HNF4G: variants seen among roughly 807,000 people sequenced by gnomAD.
HNF4G encodes hepatocyte nuclear factor 4 gamma.
A neutral mutation model predicts 50.9 loss-of-function variants in HNF4G; 21 were observed. The ratio of observed to expected loss-of-function variants is 0.41; its 90% CI spans 0.29 to 0.59. The LOEUF is 0.59. HNF4G is among the 20% of genes least tolerant of loss of function. HNF4G has a pLI of 0.26. For missense variants in HNF4G, 527 were observed against 559.4 expected (o/e 0.94, Z 0.58); for synonymous variants, 198 against 185.6 (o/e 1.07, Z -0.54).
intron 1 of HNF4G, among the ~76,000 whole-genome samples, chr8:75,414,270 T>A (rs1336244399): frequency 3.3e-5 from 5 of 152,166 alleles, no homozygotes; most frequent in Non-Finnish European, 5.9e-5. Context: ...CTATGTACCC[T>A]TTTATGTCTT....
intron 1 of HNF4G, among the ~76,000 whole-genome samples, chr8:75,456,917 A>T (rs1811737409): frequency 6.6e-6 from 1 of 151,900 alleles, no homozygotes; most frequent in Admixed American, 6.6e-5. Context: ...AATAAAAAAA[A>T]AATTATTTGT....
chr8:75,515,940 T>G lies in HNF4G; in HGVS notation c.-24+25732T>G, dbSNP rs184656223. On this transcript the variant is annotated intron_variant, in intron 2 of 10. Coordinates refer to the HNF4G transcript ENST00000354370. ...GCCCCCATGCCCAGCTAATTTTGTATTTTTAGTAGAGACAGGGTTTCTCAT... is the reference window on the plus strand; with the variant it reads ...GCCCCCATGCCCAGCTAATTTTGTAGTTTTAGTAGAGACAGGGTTTCTCAT... Among the ~76,000 whole-genome samples the G allele has an allele frequency of 2.7e-3, 415 of 152,236 alleles. 1 individual carries two copies. Among genetic ancestry groups the G allele is most frequent in the African/African-American group, 9.4e-3 (391 of 41,548 alleles).
intron 2 of HNF4G, among the ~76,000 whole-genome samples, chr8:75,545,243 G>A (rs1232137255): frequency 7.6e-6 from 1 of 131,630 alleles, no homozygotes; most frequent in Non-Finnish European, 1.7e-5. Context: ...AATTGAATGT[G>A]TGTGTGTGTG....
intron 2 of HNF4G, among the ~76,000 whole-genome samples, chr8:75,530,949 C>A (rs1285954180): frequency 6.6e-6 from 1 of 152,018 alleles, no homozygotes; most frequent in Non-Finnish European, 1.5e-5. Context: ...TGCACCACCA[C>A]ACCCAGCTAA....
At chr8:75,442,432 A>C (rs1811309170) in intron 1 of HNF4G, among the ~76,000 whole-genome samples, 1 of 152,134 alleles carries the variant, frequency 6.6e-6, no homozygotes, top group African/African-American at 2.4e-5. Context: ...TGAATGGCCC[A>C]GCGCAATGGC....
intron 2 of HNF4G, among the ~76,000 whole-genome samples, chr8:75,505,273 A>G (rs1453420175): frequency 6.6e-6 from 1 of 152,092 alleles, no homozygotes; most frequent in African/African-American, 2.4e-5. Flanking sequence ...TGTCTCCTCA[A>G]CCACAAAATG....
At chr8:75,447,068 T>C (rs1039927151) in intron 1 of HNF4G, among the ~76,000 whole-genome samples, 1 of 138,516 alleles carries the variant, frequency 7.2e-6, no homozygotes, top group African/African-American at 2.8e-5. Context: ...AGCATGGTAC[T>C]GGTACCAAAA....
At chr8:75,536,678 T>G (rs1466646582), upstream of HNF4G, among the ~76,000 whole-genome samples, 1 of 152,110 alleles carries the variant, frequency 6.6e-6, no homozygotes, top group Non-Finnish European at 1.5e-5. Flanking sequence ...AATTGTGCCA[T>G]AGACATGTTT....
intron 1 of HNF4G, among the ~76,000 whole-genome samples, chr8:75,463,772 A>ATTT (rs373640826): frequency 2.3e-4 from 26 of 115,550 alleles, no homozygotes; most frequent in Non-Finnish European, 2.5e-4. Context: ...GAATATGTTG[A>ATTT]TTTTTTTTTT....
Position 75,565,698 on chromosome 8 carries a change from A to C in HNF4G, c.*1602A>C, listed in dbSNP as rs1365807173. ...AGGATCCCAAACTGTAAAAGATTGA[A>C]ATAATCTTTCTCAGGATTTTTTAAA... On this transcript the variant is annotated 3_prime_UTR_variant, in exon 10 of 10. Coordinates refer to ENST00000396423, the MANE Select transcript of HNF4G (RefSeq NM_004133.5). 6.6e-6 allele frequency: 1 copy of C among 152,176 alleles called. No homozygotes were observed. Among genetic ancestry groups the C allele is most frequent in the Non-Finnish European group, 1.5e-5 (1 of 68,036 alleles). The allele number at this position is 152,176 out of a possible 1,614,324, so 9.4% of individuals were successfully genotyped here. A position where few individuals can be genotyped will look rare whatever the true frequency, so the allele number is the denominator to read the frequency against.
chr8:75,469,334 G>A (rs1323763636), intron 1 of HNF4G, among the ~76,000 whole-genome samples: 2 of 152,128 alleles, frequency 1.3e-5, no homozygotes, highest in Non-Finnish European at 2.9e-5. Context: ...CATAGCACAG[G>A]GTGTGGAGGT....
intron 1 of HNF4G, among the ~76,000 whole-genome samples, chr8:75,462,544 T>C (rs1352696470): frequency 6.6e-6 from 1 of 152,212 alleles, no homozygotes; most frequent in African/African-American, 2.4e-5. Flanking sequence ...TTCAGTTTAA[T>C]ATTTTTAGAC....
intron 1 of HNF4G, among the ~76,000 whole-genome samples, chr8:75,425,258 T>A (rs1810866393): frequency 6.6e-6 from 1 of 151,762 alleles, no homozygotes; most frequent in African/African-American, 2.4e-5. Context: ...CTAATTTTTG[T>A]ACTTCAGTGG....
intron 2 of HNF4G, among the ~76,000 whole-genome samples, chr8:75,525,138 T>C (rs1401005715): frequency 6.6e-6 from 1 of 152,128 alleles, no homozygotes; most frequent in Non-Finnish European, 1.5e-5. Flanking sequence ...TGTCACTGTC[T>C]TGGCAGTTTT....
intron 1 of HNF4G, among the ~76,000 whole-genome samples, chr8:75,542,318 A>AATG (rs1250734701): frequency 1.3e-5 from 2 of 151,936 alleles, no homozygotes; most frequent in African/African-American, 4.8e-5. Context: ...AAATAATAAT[A>AATG]ATACTTAAAA....
At chr8:75,504,997 A>G (rs1412325006) in intron 2 of HNF4G, among the ~76,000 whole-genome samples, 3 of 152,152 alleles carry the variant, frequency 2.0e-5, no homozygotes, top group Non-Finnish European at 4.4e-5. Context: ...ATAGGTGATT[A>G]TAGAAACTTC....
chr8:75,451,582 C>G (rs1333253677), intron 1 of HNF4G, among the ~76,000 whole-genome samples: 1 of 152,156 alleles, frequency 6.6e-6, no homozygotes, highest in Admixed American at 6.5e-5. Context: ...TTCCCCAGCA[C>G]CATTTATTGA....
intron 1 of HNF4G, among the ~76,000 whole-genome samples, chr8:75,487,923 C>T (rs1264523815): frequency 6.6e-6 from 1 of 152,106 alleles, no homozygotes; most frequent in African/African-American, 2.4e-5. Flanking sequence ...TTGGCAGCAG[C>T]AAGGAGAAGT....
At chr8:75,408,087 C>T (rs1810406347) in exon 1 of HNF4G, 1 of 152,398 alleles carries the variant, frequency 6.6e-6, no homozygotes, top group South Asian at 2.1e-4. Flanking sequence ...CCTCAGGACC[C>T]CTAGGCCAGG....
Sources: allele counts gnomAD v4.1 joint callset (sites outside exome capture counted in the v4.1 genomes callset), GRCh38; gene constraint gnomAD v4.1.1; transcripts MANE v1.5; gene names NCBI Gene and HGNC (gene_info 2026-07-23, HGNC 2026-07-21).